The following GRID2 variants were observed in gnomAD, a reference collection of about 807,000 sequenced individuals.
GRID2 encodes the protein glutamate ionotropic receptor delta type subunit 2, also known as glutamate receptor ionotropic, delta-2.
GRID2 carries 33 observed loss-of-function variants against 114.8 expected under a neutral mutation model. The observed-to-expected ratio is 0.29, with a 90% CI of 0.22 to 0.38. The LOEUF (loss-of-function observed/expected upper bound fraction) is 0.38, where lower values mean the gene tolerates loss of function less well. Ranked by LOEUF, GRID2 falls within the 10% of genes least tolerant of loss-of-function variation. The pLI is 1.00. For missense variants in GRID2, 1,184 were observed against 1,257.7 expected, an observed-to-expected ratio of 0.94 and a Z score of 0.89; for synonymous variants, 505 against 449.9, an observed-to-expected ratio of 1.12 and a Z score of -1.55.
chr4:92,663,169 C>T (rs1442237090), intron 2 of GRID2, among the ~76,000 whole-genome samples: 1 of 151,014 alleles, frequency 6.6e-6, no homozygotes, highest in Non-Finnish European at 1.5e-5. Flanking sequence ...TAAAAAGAAA[C>T]ACCAGCCTCT....
intron 2 of GRID2, among the ~76,000 whole-genome samples, chr4:92,764,186 T>A (rs1560578600): frequency 6.6e-6 from 1 of 152,240 alleles, no homozygotes; most frequent in East Asian, 1.9e-4. Flanking sequence ...CTGGCGAGAA[T>A]TCAGTTCAGT....
At chr4:93,735,773 C>T (rs1030540830) in intron 14 of GRID2, among the ~76,000 whole-genome samples, 1 of 152,008 alleles carries the variant, frequency 6.6e-6, no homozygotes, top group African/African-American at 2.4e-5. Context: ...TACATGACCA[C>T]CTTAGTGAAA....
intron 1 of GRID2, among the ~76,000 whole-genome samples, chr4:93,796,105 A>G (rs1734795164): frequency 6.6e-6 from 1 of 152,126 alleles, no homozygotes; most frequent in Non-Finnish European, 1.5e-5. Flanking sequence ...ACAGCTCCCC[A>G]GGTGGCCATT....
chr4:92,425,247 G>A (rs1732100450), intron 1 of GRID2, among the ~76,000 whole-genome samples: 1 of 151,928 alleles, frequency 6.6e-6, no homozygotes, highest in Non-Finnish European at 1.5e-5. Flanking sequence ...GTGCTAAAGG[G>A]TGGCTCGTTT....
chr4:93,349,192 A>G (rs939591538), intron 8 of GRID2, among the ~76,000 whole-genome samples: 1 of 152,164 alleles, frequency 6.6e-6, no homozygotes, highest in African/African-American at 2.4e-5. Flanking sequence ...TCACATGTAC[A>G]TATATTATCA....
intron 13 of GRID2, among the ~76,000 whole-genome samples, chr4:93,584,573 A>G (rs1157829953): frequency 1.3e-5 from 2 of 152,104 alleles, no homozygotes; most frequent in South Asian, 2.1e-4. Context: ...GTAAGAGGAT[A>G]CAATAAAAGT....
At chr4:93,018,189 T>C (rs1419629171) in intron 2 of GRID2, among the ~76,000 whole-genome samples, 1 of 149,486 alleles carries the variant, frequency 6.7e-6, no homozygotes, top group Non-Finnish European at 1.5e-5. Context: ...ATAATTGTTT[T>C]ATTTTAATTT....
At chr4:93,057,674 A>G (rs1318541613) in intron 2 of GRID2, among the ~76,000 whole-genome samples, 1 of 151,906 alleles carries the variant, frequency 6.6e-6, no homozygotes, top group African/African-American at 2.4e-5. Flanking sequence ...GCCTCAAACT[A>G]GTCTGGGAAG....
At chr4:92,351,973 A>C (rs1235157258) in intron 1 of GRID2, among the ~76,000 whole-genome samples, 1 of 151,934 alleles carries the variant, frequency 6.6e-6, no homozygotes, top group Non-Finnish European at 1.5e-5. Flanking sequence ...TATGGGGGGC[A>C]GATATCATTT....
rs79629202 is a variant in GRID2, at chr4:92,389,825, T to C, written c.88+85081T>C. Among the ~76,000 whole-genome samples the C allele has an allele frequency of 7.1e-3, 1,088 of 152,258 alleles. 15 individuals carry two copies. Among genetic ancestry groups the C allele is most frequent in the African/African-American group, 0.025 (1,031 of 41,574 alleles). ...AGGAGATATCTAGTGATTTGTCATA[T>C]AGTTTCATTCTTGCCCCTATATTAT... On this transcript the variant is annotated intron_variant, in intron 1 of 15. Coordinates refer to ENST00000282020, the MANE Select transcript of GRID2 (RefSeq NM_001510.4).
intron 7 of GRID2, among the ~76,000 whole-genome samples, chr4:93,231,413 T>C (rs1208399341): frequency 6.8e-6 from 1 of 147,568 alleles, no homozygotes; most frequent in Non-Finnish European, 1.5e-5. Context: ...AAAAGAAATT[T>C]AGAGGCCAGT....
chr4:93,597,879 A>T (rs1210479455), intron 13 of GRID2, among the ~76,000 whole-genome samples: 1 of 152,198 alleles, frequency 6.6e-6, no homozygotes, highest in Non-Finnish European at 1.5e-5. Flanking sequence ...TTGAACTTCC[A>T]TCTACTGAAT....
intron 2 of GRID2, among the ~76,000 whole-genome samples, chr4:92,601,780 T>C (rs527506251): frequency 6.6e-6 from 1 of 151,550 alleles, no homozygotes; most frequent in Admixed American, 6.6e-5. Flanking sequence ...GCTGAAATAA[T>C]AAAGAAAAGA....
intron 3 of GRID2, among the ~76,000 whole-genome samples, chr4:93,090,934 G>A (rs1322326650): frequency 6.6e-6 from 1 of 152,106 alleles, no homozygotes; most frequent in Non-Finnish European, 1.5e-5. Flanking sequence ...TCCAGTTCTT[G>A]TTTAAGAGAG....
At chr4:92,313,121 G>GTGTGTGTGTA (rs1373462080) in intron 1 of GRID2, among the ~76,000 whole-genome samples, 4 of 136,600 alleles carry the variant, frequency 2.9e-5, no homozygotes, top group African/African-American at 1.0e-4. Flanking sequence ...GTGTGTGTGT[G>GTGTGTGTGTA]TATATGAGAT....
chr4:92,341,776 G>A (rs935876437), intron 1 of GRID2, among the ~76,000 whole-genome samples: 1 of 151,962 alleles, frequency 6.6e-6, no homozygotes, highest in South Asian at 2.1e-4. Context: ...TTAGCCAGGC[G>A]TGGTGGCGGG....
At chr4:92,557,341 A>G (rs960400528) in intron 1 of GRID2, among the ~76,000 whole-genome samples, 1 of 151,528 alleles carries the variant, frequency 6.6e-6, no homozygotes, top group African/African-American at 2.4e-5. Flanking sequence ...TTAATTTTAT[A>G]ATGATTTGAT....
intron 8 of GRID2, among the ~76,000 whole-genome samples, chr4:93,357,085 ATAT>A (rs1298666723): frequency 1.9e-4 from 29 of 151,742 alleles, no homozygotes; most frequent in Admixed American, 5.9e-4. Context: ...GGATCAAATG[ATAT>A]TTAAGTCTGA....
At chr4:93,227,884 C>T (rs943980790) in intron 7 of GRID2, among the ~76,000 whole-genome samples, 26 of 152,174 alleles carry the variant, frequency 1.7e-4, no homozygotes, top group African/African-American at 3.4e-4. Flanking sequence ...CTTTTCTCTC[C>T]GTATTTTTAT....
Sources: allele counts gnomAD v4.1 joint callset (sites outside exome capture counted in the v4.1 genomes callset), GRCh38; gene constraint gnomAD v4.1.1; transcripts MANE v1.5; gene names NCBI Gene and HGNC (gene_info 2026-07-23, HGNC 2026-07-21).